Variants in COLEC12 observed in about 807,000 individuals in gnomAD.
COLEC12 encodes collectin subfamily member 12, also known as collectin-12.
Under a neutral mutation model 71.1 loss-of-function variants are expected in COLEC12, and 33 were observed. The observed-to-expected ratio is 0.46, with a 90% CI of 0.35 to 0.62. COLEC12 has a LOEUF of 0.62. COLEC12 is among the 20% of genes least tolerant of loss of function. The pLI, the probability that COLEC12 is intolerant of heterozygous loss-of-function variation, is 0.00. For missense variants in COLEC12, 765 were observed against 916.1 expected, an observed-to-expected ratio of 0.84 and a Z score of 2.13; for synonymous variants, 350 against 353.0, an observed-to-expected ratio of 0.99 and a Z score of 0.10.
At chr18:401,213 G>C (rs1262140662) in intron 2 of COLEC12, among the ~76,000 whole-genome samples, 1 of 152,220 alleles carries the variant, frequency 6.6e-6, no homozygotes, top group African/African-American at 2.4e-5. Flanking sequence ...GGTACTATCT[G>C]CATTCGGAGG....
chr18:340,507 T>C (rs636892), intron 5 of COLEC12, among the ~76,000 whole-genome samples: 100,426 of 152,118 alleles, frequency 0.66, 33,905 homozygotes, highest in East Asian at 0.97. Flanking sequence ...TGTTTGTGCT[T>C]TGGCAAACCA....
intron 1 of COLEC12, among the ~76,000 whole-genome samples, chr18:499,307 C>A (rs1254236321): frequency 2.0e-5 from 3 of 152,228 alleles, no homozygotes. Context: ...CATCAGTCAC[C>A]TCCCTTCCCG....
intron 2 of COLEC12, among the ~76,000 whole-genome samples, chr18:375,776 G>A (rs1449523575): frequency 5.9e-5 from 9 of 152,168 alleles, no homozygotes; most frequent in African/African-American, 2.2e-4. Flanking sequence ...ATCTTTGTTG[G>A]TTGAACTGCC....
At chr18:349,842 T>TC (rs1914469676) in intron 3 of COLEC12, among the ~76,000 whole-genome samples, 1 of 152,200 alleles carries the variant, frequency 6.6e-6, no homozygotes, top group Non-Finnish European at 1.5e-5. Flanking sequence ...ACCCCTCTGT[T>TC]TTGGCCAATT....
chr18:335,799 C>T (rs548048301), intron 5 of COLEC12, among the ~76,000 whole-genome samples: 1 of 152,324 alleles, frequency 6.6e-6, no homozygotes, highest in Admixed American at 6.5e-5. Flanking sequence ...TCAGTAAGCT[C>T]ACCCTTCTTC....
At chr18:493,783 ATAC>A (rs1917661127) in intron 1 of COLEC12, among the ~76,000 whole-genome samples, 1 of 152,248 alleles carries the variant, frequency 6.6e-6, no homozygotes, top group African/African-American at 2.4e-5. Context: ...TGGAAAACTA[ATAC>A]TACTGATGAA....
At chr18:425,381 G>A (rs1257082287) in intron 2 of COLEC12, among the ~76,000 whole-genome samples, 2 of 152,110 alleles carry the variant, frequency 1.3e-5, no homozygotes, top group African/African-American at 2.4e-5. Context: ...TCCTTTCCAT[G>A]ATTTCAGTGT....
intron 2 of COLEC12, among the ~76,000 whole-genome samples, chr18:465,158 C>T (rs900827961): frequency 4.6e-5 from 7 of 152,190 alleles, no homozygotes; most frequent in African/African-American, 1.2e-4. Flanking sequence ...GACTGGAGTG[C>T]AGTGGTGGAT....
intron 8 of COLEC12, among the ~76,000 whole-genome samples, chr18:325,980 GTCTT>G (rs1439722348): frequency 6.6e-6 from 1 of 152,132 alleles, no homozygotes; most frequent in Non-Finnish European, 1.5e-5. Flanking sequence ...TCTACTGTTG[GTCTT>G]TCTATTTCAC....
At chr18:413,745 C>T (rs1288217797) in intron 2 of COLEC12, among the ~76,000 whole-genome samples, 2 of 152,186 alleles carry the variant, frequency 1.3e-5, no homozygotes, top group African/African-American at 4.8e-5. Flanking sequence ...TTCAGATGTC[C>T]TTAGACAGTG....
chr18:448,325 G>A (rs1916693685), intron 2 of COLEC12, among the ~76,000 whole-genome samples: 2 of 152,186 alleles, frequency 1.3e-5, no homozygotes, highest in Admixed American at 6.5e-5. Flanking sequence ...TAATCTTTGT[G>A]CTGGCAGAAC....
chr18:354,954 C>G (rs2143495800), intron 3 of COLEC12, among the ~76,000 whole-genome samples: 1 of 152,184 alleles, frequency 6.6e-6, no homozygotes, highest in East Asian at 1.9e-4. Context: ...GGGCAGCTAT[C>G]CCCTAGATGC....
At chr18:487,060 G>A (rs1598380789) in intron 1 of COLEC12, among the ~76,000 whole-genome samples, 1 of 152,304 alleles carries the variant, frequency 6.6e-6, no homozygotes, top group Non-Finnish European at 1.5e-5. Flanking sequence ...AAAAAAGGGG[G>A]GGAGACAAGC....
At chr18:461,187 T>A (rs1049732615) in intron 2 of COLEC12, among the ~76,000 whole-genome samples, 1 of 152,178 alleles carries the variant, frequency 6.6e-6, no homozygotes, top group East Asian at 1.9e-4. Context: ...TATAACAGCA[T>A]TGTCCAATAG....
chr18:500,639 G>C lies in COLEC12; in HGVS notation c.-125C>G. ...GCCGCGCCGCGCGCCGGCCGTCTGC[G>C]CCCCCGTCCTCCCTCGCCGCCGCCG... On this transcript the variant is annotated 5_prime_UTR_variant, in exon 1 of 10. Coordinates refer to ENST00000400256, the MANE Select transcript of COLEC12 (RefSeq NM_130386.3). This position sits in a 1 kb window ranked among gnomAD's most constrained non-coding sequence, Gnocchi z 5.3. 1.3e-6 allele frequency: 1 copy of C among 751,700 alleles called. No individual in the cohort carries two copies. Among genetic ancestry groups the C allele is most frequent in the African/African-American group, 1.9e-5 (1 of 53,314 alleles). The allele number at this position is 751,700 out of a possible 1,614,324, so 46.6% of individuals were successfully genotyped here.
At chr18:493,368 T>A (rs1398505781) in intron 1 of COLEC12, among the ~76,000 whole-genome samples, 1 of 152,222 alleles carries the variant, frequency 6.6e-6, no homozygotes, top group Non-Finnish European at 1.5e-5. Context: ...GGCTCAGCCC[T>A]CCTCTCTTTT....
rs886121422 is a variant in COLEC12 at position 357,612 on chromosome 18, A to G, written c.59-90T>C. On this transcript the variant is annotated intron_variant, in intron 2 of 9. Transcript: ENST00000400256. Reference sequence around the variant, plus strand: ...CATTTAGGTTCAAATATTGGGACTAAGAATAATTTTTACAAATGCCTTACT... The same window carrying G: ...CATTTAGGTTCAAATATTGGGACTAGGAATAATTTTTACAAATGCCTTACT... 6.4e-6 allele frequency: 7 copies of G among 1,099,484 alleles called. No homozygotes were observed. In the East Asian group the frequency reaches 1.5e-4, roughly 24 times the overall value. The allele number at this position is 1,099,484 out of a possible 1,614,324, so 68.1% of individuals were successfully genotyped here. A position where few individuals can be genotyped will look rare whatever the true frequency, so the allele number is the denominator to read the frequency against.
At chr18:447,526 C>T (rs544935795) in intron 2 of COLEC12, among the ~76,000 whole-genome samples, 5 of 152,292 alleles carry the variant, frequency 3.3e-5, no homozygotes, top group South Asian at 2.1e-4. Flanking sequence ...CCATGCCAGA[C>T]CAAGTGAAAC....
intron 2 of COLEC12, among the ~76,000 whole-genome samples, chr18:430,296 T>C (rs1916277801): frequency 6.6e-6 from 1 of 151,542 alleles, no homozygotes. Context: ...ATCATGCCAC[T>C]GTACTCCAGC....
Sources: allele counts gnomAD v4.1 joint callset (sites outside exome capture counted in the v4.1 genomes callset), GRCh38; gene constraint gnomAD v4.1.1; non-coding constraint Gnocchi (gnomAD v3.1); transcripts MANE v1.5; gene names NCBI Gene and HGNC (gene_info 2026-07-23, HGNC 2026-07-21).